STK32B: variants seen among roughly 807,000 people sequenced by gnomAD.
STK32B encodes serine/threonine-protein kinase 32B.
In STK32B, 43 loss-of-function variants were observed where a neutral mutation model predicts 52.6. The ratio of observed to expected loss-of-function variants is 0.82; its 90% CI spans 0.64 to 1.05. The LOEUF is 1.05. Ranked by LOEUF, STK32B falls within the 50% of genes least tolerant of loss-of-function variation. The pLI, the probability that STK32B is intolerant of heterozygous loss-of-function variation, is 0.00. For synonymous variants in STK32B, 238 were observed against 204.3 expected (o/e 1.17, Z -1.41); for missense variants, 621 against 534.6 (o/e 1.16, Z -1.59).
At chr4:5,454,868 G>C (rs1023156865) in intron 7 of STK32B, among the ~76,000 whole-genome samples, 3 of 152,128 alleles carry the variant, frequency 2.0e-5, no homozygotes, top group African/African-American at 7.2e-5. Context: ...CACACGCAAT[G>C]ATGGGCAGAA....
chr4:5,233,116 C>G (rs1459755368), intron 3 of STK32B, among the ~76,000 whole-genome samples: 2 of 152,144 alleles, frequency 1.3e-5, no homozygotes, highest in Admixed American at 1.3e-4. Context: ...TCTGTTTGCT[C>G]TCATGACCTT....
intron 1 of STK32B, among the ~76,000 whole-genome samples, chr4:5,110,788 T>C (rs1714362746): frequency 6.6e-6 from 1 of 151,988 alleles, no homozygotes; most frequent in Admixed American, 6.6e-5. Context: ...AAAAAGCTTA[T>C]GCATAGCAAA....
rs1742059991 is a variant in STK32B, at chr4:5,057,691, G to T, written c.52+5776G>T. Among the ~76,000 whole-genome samples, 3 of 152,258 alleles carry T rather than the reference G, an allele frequency of 2.0e-5. No homozygotes were observed. In the South Asian group the frequency reaches 6.2e-4, roughly 32 times the overall value. ...CAAGAGATAAAGGATCAGTATTTTA[G>T]CAGGATCAAACAGCATAATCTGGTG... On this transcript the variant is annotated intron_variant, in intron 1 of 11. Transcript: ENST00000282908.
At chr4:5,434,751 C>G (rs1048710437) in intron 6 of STK32B, among the ~76,000 whole-genome samples, 1 of 152,258 alleles carries the variant, frequency 6.6e-6, no homozygotes, top group South Asian at 2.1e-4. Flanking sequence ...CAGTCCCTAG[C>G]ATCTAGAAGT....
chr4:5,261,044 C>A (rs531163836), intron 3 of STK32B, among the ~76,000 whole-genome samples: 28 of 152,074 alleles, frequency 1.8e-4, no homozygotes, highest in Non-Finnish European at 3.7e-4. Flanking sequence ...TTGGTCAAGG[C>A]GGCTCTTTAG....
At chr4:5,144,820 C>T (rs1238476960) in intron 2 of STK32B, among the ~76,000 whole-genome samples, 1 of 151,958 alleles carries the variant, frequency 6.6e-6, no homozygotes, top group African/African-American at 2.4e-5. Context: ...ATCCATCCAT[C>T]CATCCATCCA....
chr4:5,445,086 T>C (rs1474019388), intron 6 of STK32B, among the ~76,000 whole-genome samples: 1 of 152,220 alleles, frequency 6.6e-6, no homozygotes, highest in African/African-American at 2.4e-5. Context: ...GACCTCTTCA[T>C]ACTGCTGGCC....
At chr4:5,052,818 G>A (rs1241204046) in intron 1 of STK32B, among the ~76,000 whole-genome samples, 1 of 152,186 alleles carries the variant, frequency 6.6e-6, no homozygotes, top group Non-Finnish European at 1.5e-5. Flanking sequence ...TGACTCGCCA[G>A]TCTCCACTGT....
intron 4 of STK32B, among the ~76,000 whole-genome samples, chr4:5,355,560 A>G (rs1162468896): frequency 6.6e-6 from 1 of 152,170 alleles, no homozygotes; most frequent in African/African-American, 2.4e-5. Context: ...CAACCTTGAC[A>G]TTATTGATAT....
chr4:5,261,465 G>A lies in STK32B; in HGVS notation c.261-69755G>A, dbSNP rs1726709136. On this transcript the variant is annotated intron_variant, in intron 3 of 11. Coordinates refer to ENST00000282908, the MANE Select transcript of STK32B (RefSeq NM_018401.3). Reference sequence around the variant, plus strand: ...GGATATAGAGGATTTGTGGGTAAAGGAGAGTAATGACAATCACCATTTATT... The same window carrying A: ...GGATATAGAGGATTTGTGGGTAAAGAAGAGTAATGACAATCACCATTTATT... Among the ~76,000 whole-genome samples the A allele has an allele frequency of 4.6e-5, 7 of 152,242 alleles. No individual in the cohort carries two copies. In the South Asian group the frequency reaches 1.5e-3, roughly 32 times the overall value.
At chr4:5,290,360 A>C (rs1255686295) in intron 3 of STK32B, among the ~76,000 whole-genome samples, 12 of 152,180 alleles carry the variant, frequency 7.9e-5, no homozygotes, top group Non-Finnish European at 1.5e-5. Context: ...AAAATGTTTT[A>C]TTCCTTTATA....
intron 4 of STK32B, among the ~76,000 whole-genome samples, chr4:5,347,132 A>C (rs905588302): frequency 6.6e-6 from 1 of 152,162 alleles, no homozygotes; most frequent in Non-Finnish European, 1.5e-5. Context: ...CACAGAGCCA[A>C]ACCATATCAG....
chr4:5,201,018 A>C (rs1722096649), intron 3 of STK32B, among the ~76,000 whole-genome samples: 2 of 152,188 alleles, frequency 1.3e-5, no homozygotes, highest in Admixed American at 6.5e-5. Flanking sequence ...TAAATGAAGA[A>C]ATAGCTGGCA....
intron 3 of STK32B, among the ~76,000 whole-genome samples, chr4:5,225,306 C>G (rs1175856189): frequency 2.0e-5 from 3 of 151,942 alleles, no homozygotes; most frequent in Non-Finnish European, 4.4e-5. Context: ...ACTCGGGAGG[C>G]TGAGGCAGGA....
chr4:5,047,973 G>T (rs111234020), upstream of STK32B, among the ~76,000 whole-genome samples: 3 of 152,174 alleles, frequency 2.0e-5, no homozygotes, highest in Admixed American at 1.3e-4. Context: ...GAGAGAGGAG[G>T]TGGCCATGTG....
intron 9 of STK32B, among the ~76,000 whole-genome samples, chr4:5,462,789 C>T (rs1717137255): frequency 6.6e-6 from 1 of 152,158 alleles, no homozygotes; most frequent in Non-Finnish European, 1.5e-5. Flanking sequence ...AGTAGCATCC[C>T]CTCTGTTGTG....
chr4:5,349,338 C>T (rs1351606059), intron 4 of STK32B, among the ~76,000 whole-genome samples: 4 of 152,140 alleles, frequency 2.6e-5, no homozygotes, highest in Non-Finnish European at 2.9e-5. Flanking sequence ...TAAACAACAA[C>T]ATACTAAGCC....
chr4:5,129,378 T>C, intron 1 of STK32B, among the ~76,000 whole-genome samples: 1 of 152,224 alleles, frequency 6.6e-6, no homozygotes. Context: ...CTGGTGGACA[T>C]TTTTGTGACT....
At chr4:5,305,421 CT>C (rs1222286875) in intron 3 of STK32B, among the ~76,000 whole-genome samples, 1 of 151,960 alleles carries the variant, frequency 6.6e-6, no homozygotes, top group African/African-American at 2.4e-5. Flanking sequence ...ATCTAGGAAG[CT>C]TGTGTATTTC....
Sources: allele counts gnomAD v4.1 joint callset (sites outside exome capture counted in the v4.1 genomes callset), GRCh38; gene constraint gnomAD v4.1.1; transcripts MANE v1.5; gene names NCBI Gene and HGNC (gene_info 2026-07-23, HGNC 2026-07-21).